Variants in EXOSC8 observed in about 807,000 individuals in gnomAD.
EXOSC8 encodes exosome component 8.
Under a neutral mutation model 39.9 loss-of-function variants are expected in EXOSC8, and 37 were observed. That is an observed-to-expected ratio of 0.93 (90% CI 0.71 to 1.22). EXOSC8 has a LOEUF of 1.22. Ranked by LOEUF, EXOSC8 falls within the 50% of genes most tolerant of loss-of-function variation. The pLI is 0.00. For missense variants in EXOSC8, 313 were observed against 326.6 expected, an observed-to-expected ratio of 0.96 and a Z score of 0.32; for synonymous variants, 93 against 109.5, an observed-to-expected ratio of 0.85 and a Z score of 0.94.
chr13:37,000,873 C>G (rs1238563470), intron 1 of EXOSC8, 51 bp downstream of exon 1: 1 of 1,456,432 alleles, frequency 6.9e-7, no homozygotes, highest in Admixed American at 2.5e-5. Context: ...CGGACGGCAG[C>G]TTCCTTTAAC....
Position 37,003,205 on chromosome 13 carries a change from T to C in EXOSC8, c.192+198T>C, listed in dbSNP as rs76406842. On this transcript the variant is annotated intron_variant, in intron 4 of 10. Coordinates refer to ENST00000389704, the MANE Select transcript of EXOSC8 (RefSeq NM_181503.3). Reference sequence around the variant, plus strand: ...TGACTAAGTGAACAATTGTCAAATGTAGCAAAATGAAACAACTTTTAAAAT... The same window carrying C: ...TGACTAAGTGAACAATTGTCAAATGCAGCAAAATGAAACAACTTTTAAAAT... The C allele has an allele frequency of 9.4e-4, 460 of 488,532 alleles. 1 individual carries two copies. Among genetic ancestry groups the C allele is most frequent in the Non-Finnish European group, 1.4e-3 (393 of 277,396 alleles). The allele number at this position is 488,532 out of a possible 1,614,324, so 30.3% of individuals were successfully genotyped here. A position where few individuals can be genotyped will look rare whatever the true frequency, so the allele number is the denominator to read the frequency against.
chr13:37,005,881 AAAAAG>A, intron 5 of EXOSC8, 34 bp from the exon 6 acceptor site: 4 of 875,554 alleles, frequency 4.6e-6, no homozygotes, highest in African/African-American at 1.7e-5. Flanking sequence ...AAAAAAAAAA[AAAAAG>A]GTTTAGTTCA....
intron 7 of EXOSC8, 38 bp downstream of exon 7, chr13:37,006,198 C>T (rs748771458): frequency 4.6e-5 from 67 of 1,457,606 alleles, no homozygotes; most frequent in Non-Finnish European, 6.1e-5. Flanking sequence ...CTTATTAATT[C>T]TGAAGGGATT....
intron 7 of EXOSC8, 137 bp downstream of exon 7, chr13:37,006,297 C>T (rs2059138782): frequency 1.6e-6 from 1 of 617,816 alleles, no homozygotes; most frequent in African/African-American, 1.9e-5. Flanking sequence ...TTTAGAGATT[C>T]AGTAATTTCT....
rs756052584 is a variant in EXOSC8 at position 37,004,522 on chromosome 13, G to A, written c.199G>A (p.Ala67Thr). 2.2e-5 allele frequency: 35 copies of A among 1,607,456 alleles called. No individual in the cohort carries two copies. Among genetic ancestry groups the A allele is most frequent in the Non-Finnish European group, 2.5e-5 (29 of 1,175,500 alleles). ...CATTTCTTTGCTACTATAGGAATTT[G>A]CAGCACCATCAACAGATGCCCCTGA... The part of the protein sequence containing the change: ...TVICGVKAEF[A>T]APSTDAPDKG... The change falls in exon 5 of 11, where the codon GCA (alanine) becomes ACA (threonine). Residue 67 changes from alanine to threonine, a missense_variant. By Grantham distance (58) the Ala-to-Thr change is moderately conservative. Transcript: ENST00000389704.
chr13:37,002,142 C>T, intron 1 of EXOSC8, 131 bp from the exon 2 acceptor site: 1 of 628,654 alleles, frequency 1.6e-6, no homozygotes, highest in Non-Finnish European at 2.8e-6. Flanking sequence ...TTTTTACTTT[C>T]TAGAATTACT....
In EXOSC8 at chr13:37,004,596, A is replaced by G. The variant is rs768181529; in HGVS notation, c.238+35A>G. ...ATGGTTTTGTAATTTTAATACAAAT[A>G]CTTTTAACACATTTAATAATTTTTA... On this transcript the variant is annotated intron_variant, in intron 5 of 10. Coordinates refer to ENST00000389704, the MANE Select transcript of EXOSC8 (RefSeq NM_181503.3). 6 of 1,317,098 alleles carry G rather than the reference A, an allele frequency of 4.6e-6. No individual in the cohort carries two copies. The South Asian group carries it at 7.5e-5, about 17-fold the overall frequency. 81.6% of individuals were successfully genotyped at this position (1,317,098 alleles called of 1,614,324 possible).
intron 3 of EXOSC8, 79 bp from the exon 4 acceptor site, chr13:37,002,855 C>A: frequency 3.1e-6 from 3 of 960,348 alleles, no homozygotes; most frequent in Non-Finnish European, 3.3e-6. Flanking sequence ...CAAACTAAAA[C>A]ACTTAATTTT....
At chr13:37,001,527 T>G (rs1467970497) in intron 1 of EXOSC8, 1 of 152,234 alleles carries the variant, frequency 6.6e-6, no homozygotes, top group Non-Finnish European at 1.5e-5. Flanking sequence ...GTGAAGCCAG[T>G]GGACTTTCTT....
intron 7 of EXOSC8, 35 bp from the exon 8 acceptor site, chr13:37,006,940 A>G (rs781756415): frequency 2.8e-5 from 37 of 1,300,734 alleles, no homozygotes; most frequent in African/African-American, 4.4e-5. Context: ...CCATTAGAAG[A>G]CTTTAATTTC....
chr13:37,007,011 G>A lies in EXOSC8; in HGVS notation c.427G>A (p.Asp143Asn), dbSNP rs542265577. 7.3e-5 allele frequency: 117 copies of A among 1,613,084 alleles called. No homozygotes were observed. Among genetic ancestry groups the A allele is most frequent in the Admixed American group, 2.7e-4 (16 of 60,016 alleles). Residue 143 changes from aspartate to asparagine, a missense_variant, in exon 8 of 11, where the codon GAC becomes AAC. By Grantham distance (23) the Asp-to-Asn change is conservative (BLOSUM62 1). Transcript: ENST00000389704. ...WVLYCDLICL[D>N]YDGNILDACT... ...TCTATACTGTGATCTCATTTGCCTC[G>A]ACTACGATGGAAACATTTTGGATGC...
chr13:37,002,636 C>A, intron 3 of EXOSC8, 85 bp downstream of exon 3: 1 of 958,180 alleles, frequency 1.0e-6, no homozygotes, highest in Non-Finnish European at 1.6e-6. Context: ...CACCCAAATT[C>A]TTTGTCTAAA....
chr13:37,004,230 G>A, intron 4 of EXOSC8: 1 of 284,298 alleles, frequency 3.5e-6, no homozygotes, highest in Non-Finnish European at 6.5e-6. Flanking sequence ...ATCATCTGGA[G>A]AACAAATTAA....
At chr13:37,006,710 C>G (rs2059141647) in intron 7 of EXOSC8, among the ~76,000 whole-genome samples, 3 of 152,200 alleles carry the variant, frequency 2.0e-5, no homozygotes, top group Admixed American at 6.5e-5. Flanking sequence ...GAAATTCCTT[C>G]TACATCTGTA....
At position 37,009,229 on chromosome 13, in the gene EXOSC8, G is replaced by A. The variant is rs539961549; in HGVS notation, c.761G>A (p.Arg254Gln). ...TGAKLQDCMSRAVTRHKEVKK... is the reference protein window; with the variant it reads ...TGAKLQDCMSQAVTRHKEVKK... ...GCTAAACTTCAGGACTGTATGAGCCGAGCAGTTACAAGACACAAAGAAGTT... is the reference window on the plus strand; with the variant it reads ...GCTAAACTTCAGGACTGTATGAGCCAAGCAGTTACAAGACACAAAGAAGTT... The change falls in exon 11 of 11, where the codon CGA (arginine) becomes CAA (glutamine). Residue 254 changes from arginine (R) to glutamine (Q), a missense_variant. Transcript: ENST00000389704. 1.4e-5 allele frequency: 23 copies of A among 1,613,788 alleles called. No homozygotes were observed. Among genetic ancestry groups the A allele is most frequent in the African/African-American group, 1.3e-4 (10 of 75,012 alleles).
At chr13:37,000,868 G>C in intron 1 of EXOSC8, 46 bp downstream of exon 1, 4 of 1,466,638 alleles carry the variant, frequency 2.7e-6, no homozygotes, top group Non-Finnish European at 3.6e-6. Flanking sequence ...CCTGGCGGAC[G>C]GCAGCTTCCT....
intron 8 of EXOSC8, among the ~76,000 whole-genome samples, chr13:37,007,672 C>G (rs1478196933): frequency 6.6e-6 from 1 of 152,078 alleles, no homozygotes; most frequent in Non-Finnish European, 1.5e-5. Context: ...AAAGTAGATT[C>G]CTGGCTCTCT....
chr13:37,008,185 A>T lies in EXOSC8; in HGVS notation c.608+8A>T. Reference sequence around the variant, plus strand: ...CTTTGCTGTGTTTGATGAGTAAGTTAATCAAACTTACTTTAAAATTTTCTA... The same window carrying T: ...CTTTGCTGTGTTTGATGAGTAAGTTTATCAAACTTACTTTAAAATTTTCTA... On this transcript the variant is annotated splice_region_variant and intron_variant, in intron 9 of 10. Coordinates refer to ENST00000389704, the MANE Select transcript of EXOSC8 (RefSeq NM_181503.3). 1 of 1,586,742 alleles carries T rather than the reference A, an allele frequency of 6.3e-7. No homozygotes were observed. Among genetic ancestry groups the T allele is most frequent in the Non-Finnish European group, 8.6e-7 (1 of 1,165,758 alleles).
chr13:37,007,109 T>C (rs763232359), intron 8 of EXOSC8, 38 bp downstream of exon 8: 13 of 1,233,562 alleles, frequency 1.1e-5, no homozygotes, highest in Non-Finnish European at 1.4e-5. Context: ...TTCCCACTCA[T>C]GGGTTAGAAT....
Sources: gnomAD v4.1 joint callset for allele counts (sites outside exome capture counted in the v4.1 genomes callset) on GRCh38, gnomAD v4.1.1 for gene constraint, MANE v1.5 for transcripts, NCBI Gene and HGNC (gene_info 2026-07-23, HGNC 2026-07-21) for gene names.